KCNV2: variants seen among roughly 807,000 people sequenced by gnomAD.
KCNV2 encodes potassium voltage-gated channel subfamily V member 2.
In KCNV2, 65 loss-of-function variants were observed where a neutral mutation model predicts 37.0. That is an observed-to-expected ratio of 1.76 (90% CI 1.44 to 2.16). The LOEUF is 2.16. KCNV2 is among the 30% of genes most tolerant of loss of function. The pLI is 0.00. For synonymous variants in KCNV2, 518 were observed against 328.6 expected, an observed-to-expected ratio of 1.58 and a Z score of -6.23; for missense variants, 1,232 against 766.7, an observed-to-expected ratio of 1.61 and a Z score of -7.17.
intron 1 of KCNV2, 108 bp downstream of exon 1, chr9:2,719,203 C>T (rs1586688023): frequency 1.6e-6 from 2 of 1,216,702 alleles, no homozygotes; most frequent in Non-Finnish European, 2.3e-6. Flanking sequence ...TCCTCGTCTT[C>T]CCCCCCACCC....
rs764587081 is a variant in KCNV2, at chr9:2,719,058, A to G, written c.1319A>G (p.Asn440Ser). The change falls in exon 1 of 2, where the codon AAC (asparagine) becomes AGC (serine). Residue 440 changes from asparagine (N) to serine (S), a missense_variant. Asn to Ser is a conservative substitution (Grantham distance 46). Transcript: ENST00000382082. Reference sequence around the variant, plus strand: ...GTGGAGCACGATGTGCCCAGCACCAACTTCACTACCATCCCCCACTCCTGG... The same window carrying G: ...GTGGAGCACGATGTGCCCAGCACCAGCTTCACTACCATCCCCCACTCCTGG... ...YSVEHDVPST[N>S]FTTIPHSWWW... 7 of 1,612,130 alleles carry G rather than the reference A, an allele frequency of 4.3e-6. No individual in the cohort carries two copies. The highest frequency in any genetic ancestry group is 4.5e-5 in the East Asian group (2 of 44,878).
rs777392338 is a variant in KCNV2, at chr9:2,718,334, T to C, written c.595T>C (p.Cys199Arg). ...GCGGCTCAAGTACACGCCACGCTGCTGCCGCATCTGCTTCGAGGAGCGGCG... is the reference window on the plus strand; with the variant it reads ...GCGGCTCAAGTACACGCCACGCTGCCGCCGCATCTGCTTCGAGGAGCGGCG... ...GVRLKYTPRCCRICFEERRDE... is the reference protein window; with the variant it reads ...GVRLKYTPRCRRICFEERRDE... Residue 199 changes from cysteine (C) to arginine (R), a missense_variant, in exon 1 of 2, where the codon TGC becomes CGC. Coordinates refer to ENST00000382082, the MANE Select transcript of KCNV2 (RefSeq NM_133497.4). 18 of 1,603,814 alleles carry C rather than the reference T, an allele frequency of 1.1e-5. No individual in the cohort carries two copies. Among genetic ancestry groups the C allele is most frequent in the Non-Finnish European group, 1.5e-5 (18 of 1,177,062 alleles).
intron 1 of KCNV2, among the ~76,000 whole-genome samples, chr9:2,725,187 T>TA (rs1286616720): frequency 6.6e-6 from 1 of 152,214 alleles, no homozygotes; most frequent in Non-Finnish European, 1.5e-5. Flanking sequence ...ATCTCAAACT[T>TA]ACATTTGTGG....
intron 1 of KCNV2, among the ~76,000 whole-genome samples, chr9:2,719,956 G>C (rs929668402): frequency 7.9e-5 from 12 of 152,214 alleles, no homozygotes; most frequent in East Asian, 7.7e-4. Flanking sequence ...TGTATTTTGA[G>C]CTGTGGTAGC....
At chr9:2,722,876 C>A (rs987195934) in intron 1 of KCNV2, among the ~76,000 whole-genome samples, 2 of 151,944 alleles carry the variant, frequency 1.3e-5, no homozygotes, top group African/African-American at 4.9e-5. Flanking sequence ...CTCCAGCAGC[C>A]ACATGTCGAT....
Position 2,718,831 on chromosome 9 carries a change from G to T in KCNV2, c.1092G>T (p.Gln364His). The T allele has an allele frequency of 1.2e-6, 2 of 1,609,844 alleles. No individual in the cohort carries two copies. The highest frequency in any genetic ancestry group is 2.2e-5 in the South Asian group (2 of 91,086). ...CGGGCGAGGGCCACCAACGCGGCCA[G>T]ACGGTGGGCAGCGTGGGTAAGGTGG... ...CFTGEGHQRG[Q>H]TVGSVGKVGQ... The change falls in exon 1 of 2, where the codon CAG becomes CAT. Residue 364 changes from glutamine to histidine, a missense_variant. By Grantham distance (24) the Gln-to-His change is conservative. Transcript: ENST00000382082.
intron 1 of KCNV2, 79 bp downstream of exon 1, chr9:2,719,174 AC>A: frequency 6.5e-7 from 1 of 1,533,840 alleles, no homozygotes; most frequent in Non-Finnish European, 8.9e-7. Flanking sequence ...GTTATCAGCC[AC>A]CAGGCTTTGG....
rs776156112 is a variant in KCNV2, at chr9:2,718,410, C to T, written c.671C>T (p.Ala224Val). The change falls in exon 1 of 2, where the codon GCG becomes GTG. Residue 224 changes from alanine (A) to valine (V), a missense_variant. Ala to Val is a moderately conservative substitution (Grantham distance 64). Coordinates refer to ENST00000382082, the MANE Select transcript of KCNV2 (RefSeq NM_133497.4). ...ATCCAGCACGAGCTGCGCGCGCAGG[C>T]GCAGGTCGAGGAGGCGGAGGAACTC... is the stretch of plus-strand genomic sequence containing the variant. ...LKIQHELRAQ[A>V]QVEEAEELFR... 1 of 1,603,014 alleles carries T rather than the reference C, an allele frequency of 6.2e-7. No homozygotes were observed. The highest frequency in any genetic ancestry group is 8.5e-7 in the Non-Finnish European group (1 of 1,175,936).
At chr9:2,729,315 G>A (rs1586692718) in intron 1 of KCNV2, 131 bp from the exon 2 acceptor site, 1 of 953,010 alleles carries the variant, frequency 1.0e-6, no homozygotes, top group Non-Finnish European at 1.7e-6. Flanking sequence ...TCCTAAAGCA[G>A]GCTCCGTGGG....
At chr9:2,720,464 G>A (rs1284385042) in intron 1 of KCNV2, 2 of 150,620 alleles carry the variant, frequency 1.3e-5, no homozygotes, top group East Asian at 1.9e-4. Context: ...AGGATGATAC[G>A]ATGTTCTTCT....
At chr9:2,726,502 A>G (rs1317384457) in intron 1 of KCNV2, among the ~76,000 whole-genome samples, 1 of 152,196 alleles carries the variant, frequency 6.6e-6, no homozygotes, top group African/African-American at 2.4e-5. Flanking sequence ...AAAAAAAAGA[A>G]GTTTGGCTTA....
At position 2,729,581 on chromosome 9, in the gene KCNV2, G is replaced by C; in HGVS notation, c.1492G>C (p.Asp498His). Reference sequence around the variant, plus strand: ...TTCCATCCTCTACAACAAGTTTTCTGATTACTACAGCAAGCTGAAGGCTTA... The same window carrying C: ...TTCCATCCTCTACAACAAGTTTTCTCATTACTACAGCAAGCTGAAGGCTTA... ...PISILYNKFS[D>H]YYSKLKAYEY... The change falls in exon 2 of 2, where the codon GAT (aspartate) becomes CAT (histidine). Residue 498 changes from aspartate (D) to histidine (H), a missense_variant. Physicochemically the swap from Asp to His is moderately conservative, Grantham distance 81 (BLOSUM62 -1). Coordinates refer to ENST00000382082, the MANE Select transcript of KCNV2 (RefSeq NM_133497.4). The C allele has an allele frequency of 6.2e-7, 1 of 1,614,060 alleles. No homozygotes were observed. The highest frequency in any genetic ancestry group is 1.1e-5 in the South Asian group (1 of 91,072).
At position 2,719,088 on chromosome 9, in the gene KCNV2, G is replaced by T; in HGVS notation, c.1349G>T (p.Trp450Leu). ...NFTTIPHSWWWAAVSISTVGY... is the reference protein window; with the variant it reads ...NFTTIPHSWWLAAVSISTVGY... ...ACTACCATCCCCCACTCCTGGTGGTGGGCCGCGGTGAGTACCTTTGCCCTG... is the reference window on the plus strand; with the variant it reads ...ACTACCATCCCCCACTCCTGGTGGTTGGCCGCGGTGAGTACCTTTGCCCTG... The change falls in exon 1 of 2, where the codon TGG becomes TTG. Residue 450 changes from tryptophan to leucine, a missense_variant. By Grantham distance (61) the Trp-to-Leu change is moderately conservative. Transcript: ENST00000382082. 1 of 1,609,532 alleles carries T rather than the reference G, an allele frequency of 6.2e-7. No homozygotes were observed. The highest frequency in any genetic ancestry group is 1.1e-5 in the South Asian group (1 of 91,074).
rs561533607 is a variant in KCNV2, at chr9:2,717,931, G to C, written c.192G>C (p.Glu64Asp). Residue 64 changes from glutamate to aspartate, a missense_variant, in exon 1 of 2, where the codon GAG (glutamate) becomes GAC (aspartate). Glu to Asp is a conservative substitution (Grantham distance 45). Transcript: ENST00000382082. ...YIEEDEDGEE[E>D]DQWKDDLAEE... ...AGGAAGACGAAGACGGCGAGGAGGA[G>C]GACCAGTGGAAGGACGACCTGGCAG... The C allele has an allele frequency of 6.8e-6, 11 of 1,614,072 alleles. No homozygotes were observed. The highest frequency in any genetic ancestry group is 4.0e-5 in the African/African-American group (3 of 74,924).
chr9:2,718,652 G>C lies in KCNV2; in HGVS notation c.913G>C (p.Val305Leu). The part of the protein sequence containing the change: ...GPDLRPILEH[V>L]EMLCMGFFTL... ...AGACCTGCGGCCCATCCTGGAGCAC[G>C]TGGAGATGCTGTGCATGGGCTTCTT... The change falls in exon 1 of 2, where the codon GTG (valine) becomes CTG (leucine). Residue 305 changes from valine (V) to leucine (L), a missense_variant. By Grantham distance (32) the Val-to-Leu change is conservative (BLOSUM62 1). Transcript: ENST00000382082. 6.2e-7 allele frequency: 1 copy of C among 1,613,330 alleles called. No homozygotes were observed. The highest frequency in any genetic ancestry group is 8.5e-7 in the Non-Finnish European group (1 of 1,179,850).
At chr9:2,727,463 A>C (rs1314247535) in intron 1 of KCNV2, among the ~76,000 whole-genome samples, 1 of 152,224 alleles carries the variant, frequency 6.6e-6, no homozygotes, top group East Asian at 1.9e-4. Context: ...AACCAAGAGG[A>C]CTTTGAGATT....
chr9:2,729,911 C>T lies in KCNV2; in HGVS notation c.*184C>T, dbSNP rs147633417. 812 of 646,832 alleles carry T rather than the reference C, an allele frequency of 1.3e-3. 5 individuals carry two copies. Among genetic ancestry groups the T allele is most frequent in the African/African-American group, 0.012 (686 of 54,976 alleles). 40.1% of individuals were successfully genotyped at this position (646,832 alleles called of 1,614,324 possible). On this transcript the variant is annotated 3_prime_UTR_variant, in exon 2 of 2. Coordinates refer to ENST00000382082, the MANE Select transcript of KCNV2 (RefSeq NM_133497.4). ...CCAAACTCAGAATGTCTCATAGTTG[C>T]TCTGTGTTGTGTGAAACATCTGACC...
In KCNV2 at chr9:2,729,937, T is replaced by A. The variant is rs1460139347; in HGVS notation, c.*210T>A. 11 of 579,566 alleles carry A rather than the reference T, an allele frequency of 1.9e-5. No homozygotes were observed. Among genetic ancestry groups the A allele is most frequent in the Non-Finnish European group, 3.3e-5 (11 of 328,890 alleles). The allele number at this position is 579,566 out of a possible 1,614,324, so 35.9% of individuals were successfully genotyped here. On this transcript the variant is annotated 3_prime_UTR_variant, in exon 2 of 2. Coordinates refer to ENST00000382082, the MANE Select transcript of KCNV2 (RefSeq NM_133497.4). ...TCTGTGTTGTGTGAAACATCTGACCTTCTCAATGACGTTGATATTGAAAAC... is the reference window on the plus strand; with the variant it reads ...TCTGTGTTGTGTGAAACATCTGACCATCTCAATGACGTTGATATTGAAAAC...
chr9:2,718,600 G>C lies in KCNV2; in HGVS notation c.861G>C (p.Gln287His). 6.2e-7 allele frequency: 1 copy of C among 1,613,058 alleles called. No homozygotes were observed. The highest frequency in any genetic ancestry group is 2.2e-5 in the East Asian group (1 of 44,848). Reference sequence around the variant, plus strand: ...TCAACACCGTGGAGGAGATGCAGCAGCACTCGGGGCAGGGCGAGGGCGGCC... The same window carrying C: ...TCAACACCGTGGAGGAGATGCAGCACCACTCGGGGCAGGGCGAGGGCGGCC... ...LALNTVEEMQ[Q>H]HSGQGEGGPD... Residue 287 changes from glutamine (Q) to histidine (H), a missense_variant, in exon 1 of 2, where the codon CAG (glutamine) becomes CAC (histidine). By Grantham distance (24) the Gln-to-His change is conservative. Transcript: ENST00000382082.
Sources: gnomAD v4.1 joint callset for allele counts (sites outside exome capture counted in the v4.1 genomes callset) on GRCh38, gnomAD v4.1.1 for gene constraint, MANE v1.5 for transcripts, NCBI Gene and HGNC (gene_info 2026-07-23, HGNC 2026-07-21) for gene names.